Variants in ENPP2 observed in about 807,000 individuals in gnomAD.
ENPP2 encodes the protein ectonucleotide pyrophosphatase/phosphodiesterase 2, also known as autotaxin.
Under a neutral mutation model 120.2 loss-of-function variants are expected in ENPP2, and 51 were observed. The ratio of observed to expected loss-of-function variants is 0.42; its 90% CI spans 0.34 to 0.54. ENPP2 has a LOEUF of 0.54. ENPP2 is among the 20% of genes least tolerant of loss of function. The pLI is 0.04. For synonymous variants in ENPP2, 365 were observed against 366.4 expected (o/e 1.00, Z 0.04); for missense variants, 920 against 1,066.5 (o/e 0.86, Z 1.91).
Position 119,626,606 on chromosome 8 carries a change from G to A in ENPP2, c.251C>T (p.Thr84Ile). The part of the protein sequence containing the change: ...CRCDNLCKSY[T>I]SCCHDFDELC... ...CTCATCAAAGTCATGGCAGCAACTG[G>A]TATAGCTCTTACACAAGTTGTCACA... is the stretch of plus-strand genomic sequence containing the variant. The change falls in exon 3 of 25, where the codon ACC becomes ATC. Residue 84 changes from threonine to isoleucine, a missense_variant. Coordinates refer to ENST00000075322, the MANE Select transcript of ENPP2 (RefSeq NM_001040092.3). 6.2e-7 allele frequency: 1 copy of A among 1,614,010 alleles called. No homozygotes were observed. Among genetic ancestry groups the A allele is most frequent in the Non-Finnish European group, 8.5e-7 (1 of 1,179,888 alleles).
rs574532848 is a variant in ENPP2 at position 119,604,990 on chromosome 8, T to G, written c.833+2932A>C. On this transcript the variant is annotated intron_variant, in intron 9 of 24. Coordinates refer to ENST00000075322, the MANE Select transcript of ENPP2 (RefSeq NM_001040092.3). ...GGGTTTCACCGTGTTAGCCAGGATGTTCTCCATCTCCTGACCTTGTGATCC... is the reference window on the plus strand; with the variant it reads ...GGGTTTCACCGTGTTAGCCAGGATGGTCTCCATCTCCTGACCTTGTGATCC... Among the ~76,000 whole-genome samples the G allele has an allele frequency of 7.8e-3, 1,190 of 152,174 alleles. 12 individuals carry two copies. The highest frequency in any genetic ancestry group is 0.031 in the South Asian group (149 of 4,814).
Position 119,573,408 on chromosome 8 carries a change from TAAA to T in ENPP2, c.1781-2570_1781-2568del, listed in dbSNP as rs35227070. ...GGTGACAGAGCGAGGCTCCGTCTCT[TAAA>T]AAAAAAAAAAAAAAAGATTCATTTT... On this transcript the variant is annotated intron_variant, in intron 19 of 24. Transcript: ENST00000075322. 5.9e-4 allele frequency among the ~76,000 whole-genome samples: 73 copies of T among 124,390 alleles called. 2 individuals are homozygous for T. In the South Asian group the frequency reaches 7.0e-3, roughly 12 times the overall value. 81.6% of individuals were successfully genotyped at this position (124,390 alleles called of 152,430 possible).
intron 1 of ENPP2, among the ~76,000 whole-genome samples, chr8:119,661,204 A>C (rs1002195972): frequency 2.1e-4 from 32 of 152,246 alleles, no homozygotes; most frequent in African/African-American, 7.7e-4. Context: ...ATTAGGACAA[A>C]TACCTCATGC....
At chr8:119,592,476 A>G (rs1223749705) in intron 12 of ENPP2, among the ~76,000 whole-genome samples, 2 of 147,506 alleles carry the variant, frequency 1.4e-5, no homozygotes, top group African/African-American at 5.0e-5. Context: ...TCCACCTCAA[A>G]AAAAAAAAAA....
At chr8:119,609,066 C>A (rs1322140074) in intron 8 of ENPP2, among the ~76,000 whole-genome samples, 1 of 152,166 alleles carries the variant, frequency 6.6e-6, no homozygotes, top group Non-Finnish European at 1.5e-5. Flanking sequence ...TTGTAGCCAG[C>A]CCCTTTTCTG....
chr8:119,641,068 C>G (rs1003328483), upstream of ENPP2, among the ~76,000 whole-genome samples: 2 of 152,164 alleles, frequency 1.3e-5, no homozygotes, highest in Non-Finnish European at 2.9e-5. Context: ...TTTCTGTTAA[C>G]CGTTCTGCCA....
At chr8:119,577,997 G>A (rs968447567) in intron 19 of ENPP2, among the ~76,000 whole-genome samples, 1 of 152,078 alleles carries the variant, frequency 6.6e-6, no homozygotes, top group Non-Finnish European at 1.5e-5. Flanking sequence ...AAGAAGATGT[G>A]TCTTATTTTT....
intron 1 of ENPP2, among the ~76,000 whole-genome samples, chr8:119,668,088 T>C (rs981632877): frequency 7.2e-5 from 11 of 152,156 alleles, no homozygotes; most frequent in African/African-American, 2.4e-4. Context: ...AGATTAAATA[T>C]CCCTTCTCAG....
At chr8:119,573,408 T>TAAAAAAAAAAAA (rs35227070) in intron 19 of ENPP2, among the ~76,000 whole-genome samples, 14 of 124,388 alleles carry the variant, frequency 1.1e-4, no homozygotes, top group African/African-American at 4.0e-4. Context: ...CTCCGTCTCT[T>TAAAAAAAAAAAA]AAAAAAAAAA....
chr8:119,631,312 G>C (rs1161424105), intron 2 of ENPP2, among the ~76,000 whole-genome samples: 2 of 142,392 alleles, frequency 1.4e-5, no homozygotes, highest in Admixed American at 7.3e-5. Context: ...TGTCTTCTGG[G>C]TTCACACCAT....
At chr8:119,598,033 T>C (rs1814025876) in intron 11 of ENPP2, among the ~76,000 whole-genome samples, 1 of 152,218 alleles carries the variant, frequency 6.6e-6, no homozygotes, top group Non-Finnish European at 1.5e-5. Flanking sequence ...TATGTTATAA[T>C]CTTTTCATGT....
chr8:119,610,618 T>A (rs1171357840), intron 8 of ENPP2, among the ~76,000 whole-genome samples: 1 of 150,780 alleles, frequency 6.6e-6, no homozygotes, highest in Non-Finnish European at 1.5e-5. Flanking sequence ...AAAAAAAAAA[T>A]CAGGCCAGGT....
In ENPP2 at chr8:119,588,120, C is replaced by T. The variant is rs373584998; in HGVS notation, c.1208-1045G>A. Reference sequence around the variant, plus strand: ...AATCTTAGCTCTAAAGCTTGAAATCCGAAACTAAAATGTGTATTCCATTGG... The same window carrying T: ...AATCTTAGCTCTAAAGCTTGAAATCTGAAACTAAAATGTGTATTCCATTGG... On this transcript the variant is annotated intron_variant, in intron 13 of 24. Coordinates refer to ENST00000075322, the MANE Select transcript of ENPP2 (RefSeq NM_001040092.3). 7.2e-5 allele frequency among the ~76,000 whole-genome samples: 11 copies of T among 152,202 alleles called. No homozygotes were observed. In the South Asian group the frequency reaches 1.2e-3, roughly 17 times the overall value.
At chr8:119,586,064 G>T (rs1437360119) in intron 15 of ENPP2, 122 bp downstream of exon 15, 1 of 1,104,810 alleles carries the variant, frequency 9.1e-7, no homozygotes, top group Non-Finnish European at 1.3e-6. Context: ...CAAAATCTTT[G>T]GAAACAGTGA....
intron 24 of ENPP2, among the ~76,000 whole-genome samples, chr8:119,562,030 G>A (rs191087499): frequency 1.6e-4 from 25 of 152,216 alleles, no homozygotes; most frequent in African/African-American, 4.6e-4. Context: ...CCAGCTACTC[G>A]GGAGGCTGAG....
chr8:119,561,815 T>TTGTGTG (rs34146810), intron 24 of ENPP2, among the ~76,000 whole-genome samples: 2 of 121,652 alleles, frequency 1.6e-5, no homozygotes, highest in Non-Finnish European at 3.7e-5. Context: ...GTGTGTGTGT[T>TTGTGTG]TGTGTGTGTG....
rs1212923432 is a variant in ENPP2 at position 119,557,605 on chromosome 8, C to A, written c.2508G>T (p.Leu836=). Residue 836 remains leucine (L), a synonymous_variant, in exon 25 of 25, where the codon CTG becomes CTT. Coordinates refer to ENST00000075322, the MANE Select transcript of ENPP2 (RefSeq NM_001040092.3). ...TGCGGCTGGTCTTTCGGAAGAAGTC[C>A]AGGCTGGTGAGATGTTCAATGTCAC... ...RVRDIEHLTS[L]DFFRKTSRSY... is the part of the protein sequence containing the mutation. The A allele has an allele frequency of 2.5e-6, 4 of 1,612,598 alleles. No individual in the cohort carries two copies. The East Asian group carries it at 8.9e-5, about 36-fold the overall frequency.
rs769387330 is a variant in ENPP2 at position 119,562,982 on chromosome 8, T to C, written c.2296A>G (p.Thr766Ala). The change falls in exon 24 of 25, where the codon ACT becomes GCT. Residue 766 changes from threonine to alanine, a missense_variant. By Grantham distance (58) the Thr-to-Ala change is moderately conservative. Transcript: ENST00000075322. ...CTGGTGATGATGCTGTAGTAGTGAGTTGGAACAGGAATGGAACTGCCTTCC... is the reference window on the plus strand; with the variant it reads ...CTGGTGATGATGCTGTAGTAGTGAGCTGGAACAGGAATGGAACTGCCTTCC... ...YVEGSSIPVPTHYYSIITSCL... is the reference protein window; with the variant it reads ...YVEGSSIPVPAHYYSIITSCL... The C allele has an allele frequency of 3.7e-6, 6 of 1,613,768 alleles. No homozygotes were observed. Among genetic ancestry groups the C allele is most frequent in the Non-Finnish European group, 5.1e-6 (6 of 1,179,872 alleles).
chr8:119,588,746 C>A (rs1563701772), intron 13 of ENPP2, among the ~76,000 whole-genome samples: 1 of 152,038 alleles, frequency 6.6e-6, no homozygotes, highest in Admixed American at 6.5e-5. Context: ...AGTTCATGGT[C>A]TTTGACAATG....
Sources: gnomAD v4.1 joint callset for allele counts (sites outside exome capture counted in the v4.1 genomes callset) on GRCh38, gnomAD v4.1.1 for gene constraint, MANE v1.5 for transcripts, NCBI Gene and HGNC (gene_info 2026-07-23, HGNC 2026-07-21) for gene names.